ADNP2: variants seen among roughly 807,000 people sequenced by gnomAD.
ADNP2 encodes ADNP homeobox 2.
Under a neutral mutation model 16.4 loss-of-function variants are expected in ADNP2, and 8 were observed. The observed-to-expected ratio is 0.49, with a 90% CI of 0.29 to 0.88. ADNP2 has a LOEUF of 0.88. ADNP2 is among the 40% of genes least tolerant of loss of function. The pLI, the probability that ADNP2 is intolerant of heterozygous loss-of-function variation, is 0.09. For synonymous variants in ADNP2, 637 were observed against 545.8 expected, an observed-to-expected ratio of 1.17 and a Z score of -2.33; for missense variants, 1,397 against 1,395.1, an observed-to-expected ratio of 1.00 and a Z score of -0.02.
chr18:80,135,236 T>G (rs759428967), intron 3 of ADNP2, among the ~76,000 whole-genome samples: 1 of 152,218 alleles, frequency 6.6e-6, no homozygotes, highest in Admixed American at 6.5e-5. Flanking sequence ...TAGGAGTGGT[T>G]GTTAGGCTTT....
In ADNP2 at chr18:80,135,586, C is replaced by T. The variant is rs373050920; in HGVS notation, c.199-26C>T. 3.2e-6 allele frequency: 5 copies of T among 1,586,164 alleles called. No homozygotes were observed. In the South Asian group the frequency reaches 4.6e-5, roughly 15 times the overall value. On this transcript the variant is annotated intron_variant, in intron 3 of 3. Transcript: ENST00000262198. Reference sequence around the variant, plus strand: ...GCATCTGACAGTTTATTCAATTATGCTTAAGGCTTTCTTTTCTTTTAACAG... The same window carrying T: ...GCATCTGACAGTTTATTCAATTATGTTTAAGGCTTTCTTTTCTTTTAACAG...
chr18:80,129,788 A>C (rs1373210377), intron 2 of ADNP2, among the ~76,000 whole-genome samples: 1 of 152,210 alleles, frequency 6.6e-6, no homozygotes, highest in Admixed American at 6.5e-5. Context: ...ACTGGAATGC[A>C]ATGCATTTAA....
At chr18:80,125,277 G>A (rs2052450642) in intron 2 of ADNP2, among the ~76,000 whole-genome samples, 1 of 152,278 alleles carries the variant, frequency 6.6e-6, no homozygotes, top group South Asian at 2.1e-4. Context: ...ACTTTGGGAG[G>A]CTGAAGTGGG....
In ADNP2 at chr18:80,139,531, G is replaced by T. The variant is rs1187357163; in HGVS notation, c.*722G>T. The T allele has an allele frequency of 6.6e-6, 1 of 152,318 alleles. No homozygotes were observed. Among genetic ancestry groups the T allele is most frequent in the African/African-American group, 2.4e-5 (1 of 41,332 alleles). The allele number at this position is 152,318 out of a possible 1,614,324, so 9.4% of individuals were successfully genotyped here. A position where few individuals can be genotyped will look rare whatever the true frequency, so the allele number is the denominator to read the frequency against. Reference sequence around the variant, plus strand: ...GTTATTTTACAAATAAATTTATTCTGTAGATGCAGAAATATTTTTCAGTGT... The same window carrying T: ...GTTATTTTACAAATAAATTTATTCTTTAGATGCAGAAATATTTTTCAGTGT... On this transcript the variant is annotated 3_prime_UTR_variant, in exon 4 of 4. Coordinates refer to ENST00000262198, the MANE Select transcript of ADNP2 (RefSeq NM_014913.4).
intron 2 of ADNP2, among the ~76,000 whole-genome samples, chr18:80,129,419 C>T (rs2052482069): frequency 6.6e-6 from 1 of 152,070 alleles, no homozygotes; most frequent in Non-Finnish European, 1.5e-5. Context: ...ACATTTTTTA[C>T]ACTCGGTTTA....
In ADNP2 at chr18:80,137,342, C is replaced by T; in HGVS notation, c.1929C>T (p.Leu643=). The T allele has an allele frequency of 2.5e-6, 4 of 1,614,012 alleles. No individual in the cohort carries two copies. Among genetic ancestry groups the T allele is most frequent in the Non-Finnish European group, 3.4e-6 (4 of 1,179,940 alleles). ...TVAPPQMPIQ[L]LPSGAAAPMA... is the part of the protein sequence containing the mutation. ...CTCCGCCCCAGATGCCCATCCAGCTCCTGCCGTCAGGTGCAGCTGCACCAA... is the reference window on the plus strand; with the variant it reads ...CTCCGCCCCAGATGCCCATCCAGCTTCTGCCGTCAGGTGCAGCTGCACCAA... Residue 643 remains leucine, a synonymous_variant, in exon 4 of 4, where the codon CTC becomes CTT. Coordinates refer to ENST00000262198, the MANE Select transcript of ADNP2 (RefSeq NM_014913.4). This position sits in a 1 kb window ranked among gnomAD's most constrained non-coding sequence, Gnocchi z 4.2.
intron 1 of ADNP2, among the ~76,000 whole-genome samples, chr18:80,114,192 C>CAAAA (rs138431229): frequency 2.9e-4 from 32 of 110,274 alleles, no homozygotes; most frequent in Non-Finnish European, 4.1e-4. Flanking sequence ...GACCCTGTCT[C>CAAAA]AAAAAAAAAA....
intron 1 of ADNP2, among the ~76,000 whole-genome samples, chr18:80,117,263 A>T (rs1303780265): frequency 6.6e-6 from 1 of 152,040 alleles, no homozygotes; most frequent in African/African-American, 2.4e-5. Flanking sequence ...ATCTAAGGTC[A>T]TCAATGTTTA....
At position 80,136,033 on chromosome 18, in the gene ADNP2, A is replaced by C; in HGVS notation, c.620A>C (p.Glu207Ala). The C allele has an allele frequency of 6.2e-7, 1 of 1,614,246 alleles. No homozygotes were observed. The highest frequency in any genetic ancestry group is 8.5e-7 in the Non-Finnish European group (1 of 1,180,050). Residue 207 changes from glutamate (E) to alanine (A), a missense_variant, in exon 4 of 4, where the codon GAG becomes GCG. Around this residue, in one of 3 missense-constraint regions of ADNP2, gnomAD observed 777 missense variants for 719.4 expected, o/e 1.08. Transcript: ENST00000262198. ...AAAACTAACGATACTGTTTCTATAG[A>C]GAAGATCCCACCACCTGACAAATAT... ...QPKTNDTVSI[E>A]KIPPPDKYYC...
In ADNP2 at chr18:80,117,752, T is replaced by G. The variant is rs983070187; in HGVS notation, c.108+102T>G. ...CTCAAAATGGAAATTGCTGTTATAC[T>G]TCAGATGGCTGTGTGAAAGCCTCAT... On this transcript the variant is annotated intron_variant, in intron 2 of 3. Transcript: ENST00000262198. 26 of 807,720 alleles carry G rather than the reference T, an allele frequency of 3.2e-5. No individual in the cohort carries two copies. The African/African-American group carries it at 4.4e-4, about 14-fold the overall frequency. The allele number at this position is 807,720 out of a possible 1,614,324, so 50.0% of individuals were successfully genotyped here. A position where few individuals can be genotyped will look rare whatever the true frequency, so the allele number is the denominator to read the frequency against.
At position 80,137,994 on chromosome 18, in the gene ADNP2, C is replaced by A; in HGVS notation, c.2581C>A (p.Pro861Thr). The A allele has an allele frequency of 6.2e-7, 1 of 1,613,414 alleles. No individual in the cohort carries two copies. The highest frequency in any genetic ancestry group is 8.5e-7 in the Non-Finnish European group (1 of 1,180,022). Residue 861 changes from proline (P) to threonine (T), a missense_variant, in exon 4 of 4, where the codon CCT becomes ACT. Around this residue, in one of 3 missense-constraint regions of ADNP2, gnomAD observed 611 missense variants for 648.7 expected, o/e 0.94. Transcript: ENST00000262198. This position sits in a 1 kb window ranked among gnomAD's most constrained non-coding sequence, Gnocchi z 4.2. ...SLVPVYVKVR[P>T]QAEGTPGSTG... ...GGTGCCTGTGTATGTGAAGGTGAGGCCTCAGGCTGAGGGCACCCCCGGGAG... is the reference window on the plus strand; with the variant it reads ...GGTGCCTGTGTATGTGAAGGTGAGGACTCAGGCTGAGGGCACCCCCGGGAG...
At position 80,137,176 on chromosome 18, in the gene ADNP2, A is replaced by G; in HGVS notation, c.1763A>G (p.Gln588Arg). 6.2e-7 allele frequency: 1 copy of G among 1,614,228 alleles called. No individual in the cohort carries two copies. The highest frequency in any genetic ancestry group is 8.5e-7 in the Non-Finnish European group (1 of 1,180,044). ...VNQPVRPGAS[Q>R]NTTFLTSGSI... ...CAGCCAGTGAGACCTGGTGCTTCGC[A>G]GAACACCACCTTCCTGACATCAGGC... Residue 588 changes from glutamine to arginine, a missense_variant, in exon 4 of 4, where the codon CAG becomes CGG. Physicochemically the swap from Gln to Arg is conservative, Grantham distance 43. This residue lies in a region of ADNP2 where 777 missense variants were observed against 719.4 expected (regional missense o/e 1.08). Transcript: ENST00000262198. The surrounding 1 kb of genome is among the most constrained non-coding windows in gnomAD (Gnocchi z 4.2).
At chr18:80,119,670 A>G (rs1165510247) in intron 2 of ADNP2, among the ~76,000 whole-genome samples, 2 of 152,056 alleles carry the variant, frequency 1.3e-5, no homozygotes, top group African/African-American at 4.8e-5. Flanking sequence ...GGAAAGGTAG[A>G]CTCTTCCACG....
At chr18:80,112,760 T>C (rs2052365831) in intron 1 of ADNP2, among the ~76,000 whole-genome samples, 1 of 152,184 alleles carries the variant, frequency 6.6e-6, no homozygotes, top group Non-Finnish European at 1.5e-5. Context: ...ATCACTCTGC[T>C]TTTAAAAGTC....
At chr18:80,131,530 A>G (rs1304258484) in intron 2 of ADNP2, among the ~76,000 whole-genome samples, 4 of 151,896 alleles carry the variant, frequency 2.6e-5, no homozygotes. Context: ...CAATAGCGGT[A>G]AGGTATAGTT....
At chr18:80,127,071 A>G (rs1219270598) in intron 2 of ADNP2, among the ~76,000 whole-genome samples, 1 of 152,192 alleles carries the variant, frequency 6.6e-6, no homozygotes, top group Non-Finnish European at 1.5e-5. Flanking sequence ...TTATTACTGT[A>G]TATTGTTACA....
chr18:80,132,436 A>G (rs1406975446), intron 2 of ADNP2, among the ~76,000 whole-genome samples: 1 of 152,162 alleles, frequency 6.6e-6, no homozygotes, highest in Non-Finnish European at 1.5e-5. Context: ...AACATAAGAG[A>G]CTTGAGCAGT....
chr18:80,121,555 A>AT (rs1160644353), intron 2 of ADNP2, among the ~76,000 whole-genome samples: 3 of 152,118 alleles, frequency 2.0e-5, no homozygotes, highest in Admixed American at 2.0e-4. Context: ...CAATTTATCT[A>AT]TTTTTTCTAT....
Position 80,137,290 on chromosome 18 carries a change from T to G in ADNP2, c.1877T>G (p.Val626Gly), listed in dbSNP as rs1356191508. 1.2e-6 allele frequency: 2 copies of G among 1,613,960 alleles called. No homozygotes were observed. Among genetic ancestry groups the G allele is most frequent in the Admixed American group, 1.7e-5 (1 of 59,998 alleles). The stretch of plus-strand genomic sequence containing the variant: ...GCCCCCGTGTCTGTCACTCTGCCGG[T>G]TCCCCCTGGAGGCCTTGCGACTGTC... ...TLAPVSVTLP[V>G]PPGGLATVAP... Residue 626 changes from valine (V) to glycine (G), a missense_variant, in exon 4 of 4, where the codon GTT becomes GGT. Physicochemically the swap from Val to Gly is moderately radical, Grantham distance 109. Coordinates refer to ENST00000262198, the MANE Select transcript of ADNP2 (RefSeq NM_014913.4). This position sits in a 1 kb window ranked among gnomAD's most constrained non-coding sequence, Gnocchi z 4.2.
Sources: allele counts gnomAD v4.1 joint callset (sites outside exome capture counted in the v4.1 genomes callset), GRCh38; gene constraint gnomAD v4.1.1; regional missense constraint gnomAD v4.1.1; non-coding constraint Gnocchi (gnomAD v3.1); transcripts MANE v1.5; gene names NCBI Gene and HGNC (gene_info 2026-07-23, HGNC 2026-07-21).